The following CPNE5 variants were observed in gnomAD, a reference collection of about 807,000 sequenced individuals.
CPNE5 encodes the protein copine 5, also known as copine-5.
A neutral mutation model predicts 81.1 loss-of-function variants in CPNE5; 42 were observed. The ratio of observed to expected loss-of-function variants is 0.52; its 90% CI spans 0.40 to 0.67. CPNE5 has a LOEUF of 0.67. Ranked by LOEUF, CPNE5 falls within the 30% of genes least tolerant of loss-of-function variation. The pLI is 0.00. For missense variants in CPNE5, 612 were observed against 815.5 expected, an observed-to-expected ratio of 0.75 and a Z score of 3.04; for synonymous variants, 313 against 321.5, an observed-to-expected ratio of 0.97 and a Z score of 0.28.
At chr6:36,757,203 C>G (rs982340464) in intron 12 of CPNE5, 5 of 446,522 alleles carry the variant, frequency 1.1e-5, no homozygotes, top group South Asian at 9.5e-5. Context: ...GCCAGTTTTT[C>G]TTTGTTTTGT....
At chr6:36,776,057 T>C (rs1220143286) in intron 9 of CPNE5, among the ~76,000 whole-genome samples, 1 of 152,208 alleles carries the variant, frequency 6.6e-6, no homozygotes, top group Non-Finnish European at 1.5e-5. Context: ...AAGTTCAGAA[T>C]TGACTTATCC....
At chr6:36,797,182 AG>A (rs1455606444) in intron 6 of CPNE5, among the ~76,000 whole-genome samples, 1 of 152,242 alleles carries the variant, frequency 6.6e-6, no homozygotes, top group Non-Finnish European at 1.5e-5. Flanking sequence ...CTGAGATTAC[AG>A]GCGTGAGCCA....
intron 8 of CPNE5, among the ~76,000 whole-genome samples, chr6:36,783,319 T>A (rs1370017789): frequency 1.7e-5 from 2 of 119,162 alleles, no homozygotes; most frequent in Admixed American, 2.0e-4. Context: ...CAAACCCCCA[T>A]AACACAAGTT....
chr6:36,760,050 TG>T (rs1765866328), intron 12 of CPNE5, among the ~76,000 whole-genome samples: 1 of 132,332 alleles, frequency 7.6e-6, no homozygotes. Flanking sequence ...CTACCAAAAA[TG>T]CAAAAAAAAA....
rs1306539844 is a variant in CPNE5 at position 36,766,060 on chromosome 6, G to A, written c.738-684C>T. ...CAGGCTAGCGGACCAGAGCTGGGAG[G>A]AGGGAGGTGGAGGGTTGCGGTTAAC... On this transcript the variant is annotated intron_variant, in intron 10 of 20. Coordinates refer to ENST00000244751, the MANE Select transcript of CPNE5 (RefSeq NM_020939.2). The surrounding 1 kb of genome is among the most constrained non-coding windows in gnomAD (Gnocchi z 4.2). Among the ~76,000 whole-genome samples the A allele has an allele frequency of 6.6e-6, 1 of 152,172 alleles. No individual in the cohort carries two copies. The highest frequency in any genetic ancestry group is 6.5e-5 in the Admixed American group (1 of 15,290).
At chr6:36,791,052 T>A (rs533217353) in intron 8 of CPNE5, among the ~76,000 whole-genome samples, 17 of 152,272 alleles carry the variant, frequency 1.1e-4, no homozygotes, top group Admixed American at 8.5e-4. Flanking sequence ...CCCTCCCAGC[T>A]CCATGGGAAG....
chr6:36,802,860 G>C (rs962370412), intron 3 of CPNE5, among the ~76,000 whole-genome samples: 5 of 151,972 alleles, frequency 3.3e-5, no homozygotes, highest in African/African-American at 4.8e-5. Context: ...GACCACCCTG[G>C]CCAACATGGT....
At chr6:36,811,431 A>C (rs971937195) in intron 3 of CPNE5, among the ~76,000 whole-genome samples, 15 of 152,210 alleles carry the variant, frequency 9.9e-5, no homozygotes, top group African/African-American at 3.4e-4. Flanking sequence ...ACTTTACACG[A>C]ATTAGCTTAT....
intron 8 of CPNE5, among the ~76,000 whole-genome samples, chr6:36,790,131 T>C (rs1408636768): frequency 6.6e-6 from 1 of 152,224 alleles, no homozygotes; most frequent in East Asian, 1.9e-4. Context: ...AACCTCTCTG[T>C]GCTTCAGTTT....
intron 11 of CPNE5, among the ~76,000 whole-genome samples, chr6:36,763,357 C>A (rs550437250): frequency 6.6e-6 from 1 of 152,290 alleles, no homozygotes; most frequent in East Asian, 1.9e-4. Flanking sequence ...AATCCCAGCA[C>A]TTTGGGAGGC....
Position 36,746,284 on chromosome 6 carries a change from G to T in CPNE5, c.1200+112C>A, listed in dbSNP as rs916566955. ...ACAGCAGGCAGTCTACCTCCACTGA[G>T]GCTGAGCCTTAAGTCCCCGGGCTCA... On this transcript the variant is annotated intron_variant, in intron 16 of 20. Coordinates refer to ENST00000244751, the MANE Select transcript of CPNE5 (RefSeq NM_020939.2). The surrounding 1 kb of genome is among the most constrained non-coding windows in gnomAD (Gnocchi z 4.5). 1.4e-6 allele frequency: 2 copies of T among 1,464,860 alleles called. No individual in the cohort carries two copies. The highest frequency in any genetic ancestry group is 2.4e-5 in the East Asian group (1 of 41,094). The allele number at this position is 1,464,860 out of a possible 1,614,324, so 90.7% of individuals were successfully genotyped here. A position where few individuals can be genotyped will look rare whatever the true frequency, so the allele number is the denominator to read the frequency against.
At chr6:36,820,185 C>T (rs1035323113) in intron 3 of CPNE5, among the ~76,000 whole-genome samples, 4 of 152,152 alleles carry the variant, frequency 2.6e-5, no homozygotes, top group African/African-American at 9.7e-5. Flanking sequence ...CATCCTGACC[C>T]AGTTCCCCTT....
In CPNE5 at chr6:36,778,907, G is replaced by T; in HGVS notation, c.579C>A (p.Phe193Leu). The change falls in exon 9 of 21, where the codon TTC becomes TTA. Residue 193 changes from phenylalanine to leucine, a missense_variant. Phe to Leu is a conservative substitution (Grantham distance 22, BLOSUM62 0). Coordinates refer to ENST00000244751, the MANE Select transcript of CPNE5 (RefSeq NM_020939.2). ...CCAAGAAGGGGTCAGATTTCCCAAA[G>T]AAATCTTTCTTGTCCAGCTTGTTGG... ...FCANKLDKKD[F>L]FGKSDPFLVF... 2 of 1,606,724 alleles carry T rather than the reference G, an allele frequency of 1.2e-6. No individual in the cohort carries two copies. Among genetic ancestry groups the T allele is most frequent in the South Asian group, 2.2e-5 (2 of 90,928 alleles).
chr6:36,798,218 GC>G lies in CPNE5; in HGVS notation c.350del (p.Cys117SerfsTer20). ...SKHDFLGQAF[C>X]TLGEIVGSPG... ...GGGACCCCACAATCTCTCCAAGGGT[GC>G]AGAAGGCCTGGCCCAGGAAATCCTG... On this transcript the variant is annotated frameshift_variant, in exon 6 of 21. Coordinates refer to ENST00000244751, the MANE Select transcript of CPNE5 (RefSeq NM_020939.2). LOFTEE classifies it high-confidence loss of function. 6.2e-7 allele frequency: 1 copy of G among 1,613,782 alleles called. No homozygotes were observed. The highest frequency in any genetic ancestry group is 8.5e-7 in the Non-Finnish European group (1 of 1,179,852).
chr6:36,819,902 C>CA (rs1260466607), intron 3 of CPNE5, among the ~76,000 whole-genome samples: 1 of 152,246 alleles, frequency 6.6e-6, no homozygotes, highest in Admixed American at 6.5e-5. Flanking sequence ...CCTCTCCCCC[C>CA]ATTCTGGTGC....
chr6:36,797,449 C>G (rs1250970375), intron 6 of CPNE5, among the ~76,000 whole-genome samples: 1 of 152,176 alleles, frequency 6.6e-6, no homozygotes, highest in African/African-American at 2.4e-5. Context: ...ATATGGACAC[C>G]AAAGAATGGT....
At chr6:36,778,432 G>A (rs986104315) in intron 9 of CPNE5, among the ~76,000 whole-genome samples, 23 of 152,350 alleles carry the variant, frequency 1.5e-4, no homozygotes, top group African/African-American at 5.3e-4. Context: ...GGGCCAGACT[G>A]GGGGCTGCTC....
intron 9 of CPNE5, among the ~76,000 whole-genome samples, chr6:36,778,569 G>C (rs544683973): frequency 3.2e-4 from 48 of 152,174 alleles, no homozygotes; most frequent in Non-Finnish European, 2.9e-5. Flanking sequence ...TTTTTGCCTA[G>C]TCCCCCCACC....
In CPNE5 at chr6:36,766,271, C is replaced by T. The variant is rs1382660863; in HGVS notation, c.738-895G>A. 6.6e-6 allele frequency among the ~76,000 whole-genome samples: 1 copy of T among 152,160 alleles called. No individual in the cohort carries two copies. Among genetic ancestry groups the T allele is most frequent in the African/African-American group, 2.4e-5 (1 of 41,432 alleles). On this transcript the variant is annotated intron_variant, in intron 10 of 20. Transcript: ENST00000244751. This position sits in a 1 kb window ranked among gnomAD's most constrained non-coding sequence, Gnocchi z 4.2. The stretch of plus-strand genomic sequence containing the variant: ...TATCTTTGTTAACATCCCATCATCT[C>T]GCCCATCTCCTCGGGCCTGCCAGGA...
Sources: allele counts gnomAD v4.1 joint callset (sites outside exome capture counted in the v4.1 genomes callset), GRCh38; gene constraint gnomAD v4.1.1; non-coding constraint Gnocchi (gnomAD v3.1); transcripts MANE v1.5; gene names NCBI Gene and HGNC (gene_info 2026-07-23, HGNC 2026-07-21).